Variants in DDR1 observed in about 807,000 individuals in gnomAD.
The protein encoded by DDR1 is epithelial discoidin domain-containing receptor 1.
Under a neutral mutation model 97.4 loss-of-function variants are expected in DDR1, and 64 were observed. The ratio of observed to expected loss-of-function variants is 0.66; its 90% CI spans 0.54 to 0.81. The LOEUF is 0.81. DDR1 is among the 30% of genes least tolerant of loss of function. The pLI is 0.00. For synonymous variants in DDR1, 458 were observed against 503.7 expected, an observed-to-expected ratio of 0.91 and a Z score of 1.21; for missense variants, 990 against 1,259.6, an observed-to-expected ratio of 0.79 and a Z score of 3.24.
chr6:30,885,178 A>G, intron 1 of DDR1: 2 of 1,527,908 alleles, frequency 1.3e-6, no homozygotes, highest in East Asian at 2.5e-5. Flanking sequence ...CAGTGACACC[A>G]CTCTTCCCGG....
chr6:30,893,150 C>T lies in DDR1; in HGVS notation c.1182C>T (p.Asn394=), dbSNP rs1258074513. 2.5e-6 allele frequency: 4 copies of T among 1,608,986 alleles called. No individual in the cohort carries two copies. The highest frequency in any genetic ancestry group is 3.4e-6 in the Non-Finnish European group (4 of 1,179,628). ...GGCCGCCTGGCCCACCTCCCACCAA[C>T]TTCAGCAGCTTGGGTGAGCAATCTT... ...PWWPPGPPPT[N]FSSLELEPRG... The change falls in exon 9 of 18, where the codon AAC becomes AAT. Residue 394 remains asparagine, a synonymous_variant. Coordinates refer to ENST00000376568, the MANE Select transcript of DDR1 (RefSeq NM_001297654.2).
At position 30,894,562 on chromosome 6, in the gene DDR1, C is replaced by T. The variant is rs779374538; in HGVS notation, c.1404C>T (p.Asp468=). 3.1e-6 allele frequency: 5 copies of T among 1,613,590 alleles called. No homozygotes were observed. The South Asian group carries it at 5.5e-5, about 18-fold the overall frequency. Residue 468 remains aspartate (D), a synonymous_variant, in exon 11 of 18, where the codon GAC becomes GAT. Transcript: ENST00000376568. The surrounding 1 kb of genome is among the most constrained non-coding windows in gnomAD (Gnocchi z 5.7). ...ELTVHLSVPG[D]TILINNRPGP... Reference sequence around the variant, plus strand: ...CGGTTCACCTCTCTGTCCCTGGGGACACTATCCTCATCAACAACCGCCCAG... The same window carrying T: ...CGGTTCACCTCTCTGTCCCTGGGGATACTATCCTCATCAACAACCGCCCAG...
In DDR1 at chr6:30,889,899, G is replaced by T. The variant is rs1787394976; in HGVS notation, c.417+469G>T. Reference sequence around the variant, plus strand: ...GGCTATAAGTTAAGATGATATCCTTGATTCCTTTTTTTCTCTCACCTCCTT... The same window carrying T: ...GGCTATAAGTTAAGATGATATCCTTTATTCCTTTTTTTCTCTCACCTCCTT... On this transcript the variant is annotated intron_variant, in intron 4 of 17. Transcript: ENST00000376568. The surrounding 1 kb of genome is among the most constrained non-coding windows in gnomAD (Gnocchi z 4.9). Among the ~76,000 whole-genome samples, 1 of 152,088 alleles carries T rather than the reference G, an allele frequency of 6.6e-6. No individual in the cohort carries two copies. Among genetic ancestry groups the T allele is most frequent in the Non-Finnish European group, 1.5e-5 (1 of 68,030 alleles).
rs901025751 is a variant in DDR1, at chr6:30,894,109, C to T, written c.1348-397C>T. Among the ~76,000 whole-genome samples the T allele has an allele frequency of 1.3e-5, 2 of 150,494 alleles. No individual in the cohort carries two copies. Among genetic ancestry groups the T allele is most frequent in the African/African-American group, 4.8e-5 (2 of 41,378 alleles). Reference sequence around the variant, plus strand: ...TACTAAGAATACAAAATTAGCCAGGCATGGTGGCTGATGCCTGTAATCCCA... The same window carrying T: ...TACTAAGAATACAAAATTAGCCAGGTATGGTGGCTGATGCCTGTAATCCCA... On this transcript the variant is annotated intron_variant, in intron 10 of 17. Coordinates refer to ENST00000376568, the MANE Select transcript of DDR1 (RefSeq NM_001297654.2). This position sits in a 1 kb window ranked among gnomAD's most constrained non-coding sequence, Gnocchi z 5.7.
intron 12 of DDR1, 43 bp downstream of exon 12, chr6:30,895,557 T>C (rs1790453158): frequency 7.8e-7 from 1 of 1,276,040 alleles, no homozygotes; most frequent in Non-Finnish European, 1.1e-6. Flanking sequence ...TCCCCATACC[T>C]CTACTGGGGC....
Position 30,886,234 on chromosome 6 carries a change from C to T in DDR1, c.-43+1524C>T, listed in dbSNP as rs995177508. Among the ~76,000 whole-genome samples, 3 of 152,076 alleles carry T rather than the reference C, an allele frequency of 2.0e-5. No homozygotes were observed. The highest frequency in any genetic ancestry group is 2.9e-5 in the Non-Finnish European group (2 of 68,010). On this transcript the variant is annotated intron_variant, in intron 1 of 17. Transcript: ENST00000376568. The surrounding 1 kb of genome is among the most constrained non-coding windows in gnomAD (Gnocchi z 4.6). ...TTGTATCTCTGCCCCGGGCTCCTCT[C>T]GGCTCTGTGTGGCTCTGATGACTCA...
intron 16 of DDR1, 107 bp from the exon 17 acceptor site, chr6:30,898,781 A>G: frequency 8.1e-7 from 1 of 1,234,892 alleles, no homozygotes; most frequent in Non-Finnish European, 1.1e-6. Flanking sequence ...AGGAGGGATC[A>G]GGCCTGAGTG....
rs1562417276 is a variant in DDR1, at chr6:30,899,528, G to A, written c.*232G>A. 13 of 578,768 alleles carry A rather than the reference G, an allele frequency of 2.2e-5. No homozygotes were observed. The highest frequency in any genetic ancestry group is 3.6e-5 in the Non-Finnish European group (12 of 333,832). 35.9% of individuals were successfully genotyped at this position (578,768 alleles called of 1,614,324 possible). A position where few individuals can be genotyped will look rare whatever the true frequency, so the allele number is the denominator to read the frequency against. On this transcript the variant is annotated 3_prime_UTR_variant, in exon 18 of 18. Coordinates refer to ENST00000376568, the MANE Select transcript of DDR1 (RefSeq NM_001297654.2). ...CTGTTCTTCCTTCCTAGAAGCCCCT[G>A]TCGCCCACCCAGCTGGTCCTGTGGA...
Position 30,897,690 on chromosome 6 carries a change from G to A in DDR1, c.2216+93G>A, listed in dbSNP as rs999211156. 32 of 1,066,172 alleles carry A rather than the reference G, an allele frequency of 3.0e-5. No individual in the cohort carries two copies. Among genetic ancestry groups the A allele is most frequent in the Non-Finnish European group, 3.8e-5 (28 of 739,782 alleles). 66.0% of individuals were successfully genotyped at this position (1,066,172 alleles called of 1,614,324 possible). A position where few individuals can be genotyped will look rare whatever the true frequency, so the allele number is the denominator to read the frequency against. ...TCAGCCTGGAGGAAAAGAGGGGAGC[G>A]TGGGGGTGGGAAGGGAGAGAGGTTC... On this transcript the variant is annotated intron_variant, in intron 15 of 17. Coordinates refer to ENST00000376568, the MANE Select transcript of DDR1 (RefSeq NM_001297654.2). This position sits in a 1 kb window ranked among gnomAD's most constrained non-coding sequence, Gnocchi z 5.2.
Position 30,894,275 on chromosome 6 carries a change from G to A in DDR1, c.1348-231G>A, listed in dbSNP as rs759091027. On this transcript the variant is annotated intron_variant, in intron 10 of 17. Coordinates refer to ENST00000376568, the MANE Select transcript of DDR1 (RefSeq NM_001297654.2). This position sits in a 1 kb window ranked among gnomAD's most constrained non-coding sequence, Gnocchi z 5.7. ...AAAAACAAACAAACAAAAAAAAAAC[G>A]GTTGATAGTTATGGACTGGGCAGAT... 6.6e-6 allele frequency among the ~76,000 whole-genome samples: 1 copy of A among 151,968 alleles called. No homozygotes were observed. Among genetic ancestry groups the A allele is most frequent in the Non-Finnish European group, 1.5e-5 (1 of 67,954 alleles).
chr6:30,891,326 G>A lies in DDR1; in HGVS notation c.566-54G>A, dbSNP rs1484006238. The stretch of plus-strand genomic sequence containing the variant: ...GAAACCTGCCCAGGCCTGATGCAGG[G>A]ATGGGGGATGGAGCCTTAGTGCCTC... On this transcript the variant is annotated intron_variant, in intron 5 of 17. Coordinates refer to ENST00000376568, the MANE Select transcript of DDR1 (RefSeq NM_001297654.2). This position sits in a 1 kb window ranked among gnomAD's most constrained non-coding sequence, Gnocchi z 5.3. 2.7e-6 allele frequency: 4 copies of A among 1,492,410 alleles called. No individual in the cohort carries two copies. 92.4% of individuals were successfully genotyped at this position (1,492,410 alleles called of 1,614,324 possible).
At chr6:30,898,451 C>T (rs1179102210) in intron 16 of DDR1, 144 bp downstream of exon 16, 2 of 676,644 alleles carry the variant, frequency 3.0e-6, no homozygotes, top group Non-Finnish European at 2.5e-6. Flanking sequence ...GTTCTCCTAG[C>T]CCAAGGGACT....
At chr6:30,884,248 G>C (rs1562360953), upstream of DDR1, 2 of 148,952 alleles carry the variant, frequency 1.3e-5, no homozygotes, top group African/African-American at 2.5e-5. The surrounding 1 kb of genome is among the most constrained non-coding windows in gnomAD (Gnocchi z 6.1). Flanking sequence ...GCCTGGGAGC[G>C]CCCAGGCGGG....
Position 30,899,839 on chromosome 6 carries a change from T to G in DDR1, c.*543T>G, listed in dbSNP as rs1403528516. The stretch of plus-strand genomic sequence containing the variant: ...CTTCCTCCTCCATCACCTGAAACAC[T>G]GGACCTGGGGGTAGCCCCGCCCCAG... On this transcript the variant is annotated 3_prime_UTR_variant, in exon 18 of 18. Transcript: ENST00000376568. 3 of 398,402 alleles carry G rather than the reference T, an allele frequency of 7.5e-6. No individual in the cohort carries two copies. Among genetic ancestry groups the G allele is most frequent in the Admixed American group, 3.9e-5 (1 of 25,564 alleles). The allele number at this position is 398,402 out of a possible 1,614,324, so 24.7% of individuals were successfully genotyped here.
At chr6:30,881,159 G>A (rs3869084), upstream of DDR1, 827 of 152,754 alleles carry the variant, frequency 5.4e-3, 9 homozygotes, top group African/African-American at 0.016. Context: ...GAACTGGGAG[G>A]GCAGGAGTGG....
rs553783702 is a variant in DDR1 at position 30,894,770 on chromosome 6, C to A, written c.1513+99C>A. The A allele has an allele frequency of 3.4e-5, 45 of 1,337,472 alleles. No homozygotes were observed. In the African/African-American group the frequency reaches 5.9e-4, roughly 18 times the overall value. 82.9% of individuals were successfully genotyped at this position (1,337,472 alleles called of 1,614,324 possible). A position where few individuals can be genotyped will look rare whatever the true frequency, so the allele number is the denominator to read the frequency against. On this transcript the variant is annotated intron_variant, in intron 11 of 17. Coordinates refer to ENST00000376568, the MANE Select transcript of DDR1 (RefSeq NM_001297654.2). This position sits in a 1 kb window ranked among gnomAD's most constrained non-coding sequence, Gnocchi z 5.7. The stretch of plus-strand genomic sequence containing the variant: ...TTTTTTTCCTGTCTTCCCCAGTTTC[C>A]ACTTGTTTTCTTCTTTCTGTGCCCC...
chr6:30,892,465 G>C lies in DDR1; in HGVS notation c.1022G>C (p.Arg341Pro). The C allele has an allele frequency of 6.2e-7, 1 of 1,610,028 alleles. No individual in the cohort carries two copies. Among genetic ancestry groups the C allele is most frequent in the Non-Finnish European group, 8.5e-7 (1 of 1,179,626 alleles). Reference protein sequence around the residue: ...ARAVSVPLGGRVARFLQCRFL... With the variant: ...ARAVSVPLGGPVARFLQCRFL... ...GCTGTCTCAGTGCCCCTTGGCGGCCGTGTGGCTCGCTTTCTGCAGTGCCGC... is the reference window on the plus strand; with the variant it reads ...GCTGTCTCAGTGCCCCTTGGCGGCCCTGTGGCTCGCTTTCTGCAGTGCCGC... Residue 341 changes from arginine to proline, a missense_variant, in exon 8 of 18, where the codon CGT (arginine) becomes CCT (proline). Physicochemically the swap from Arg to Pro is moderately radical, Grantham distance 103. Transcript: ENST00000376568.
At chr6:30,885,926 C>G (rs1785630533) in intron 1 of DDR1, 1 of 825,594 alleles carries the variant, frequency 1.2e-6, no homozygotes, top group Non-Finnish European at 1.8e-6. Flanking sequence ...TGGCCTGGCC[C>G]CTGGTTTGTC....
Position 30,899,936 on chromosome 6 carries a change from A to T in DDR1, c.*640A>T, listed in dbSNP as rs1260580028. The T allele has an allele frequency of 4.5e-5, 24 of 538,622 alleles. No individual in the cohort carries two copies. The Admixed American group carries it at 4.9e-4, about 11-fold the overall frequency. The allele number at this position is 538,622 out of a possible 1,614,324, so 33.4% of individuals were successfully genotyped here. On this transcript the variant is annotated 3_prime_UTR_variant, in exon 18 of 18. Coordinates refer to ENST00000376568, the MANE Select transcript of DDR1 (RefSeq NM_001297654.2). The stretch of plus-strand genomic sequence containing the variant: ...TCTCTAAGCCTATACGTTTCTGTGG[A>T]GTAAATATTGGGATTGGGGGGAAAG...
Sources: allele counts gnomAD v4.1 joint callset (sites outside exome capture counted in the v4.1 genomes callset), GRCh38; gene constraint gnomAD v4.1.1; non-coding constraint Gnocchi (gnomAD v3.1); transcripts MANE v1.5; gene names NCBI Gene and HGNC (gene_info 2026-07-23, HGNC 2026-07-21).